LMAN1L: variants seen among roughly 807,000 people sequenced by gnomAD.
LMAN1L encodes protein ERGIC-53-like.
In LMAN1L, 60 loss-of-function variants were observed where a neutral mutation model predicts 58.3. The ratio of observed to expected loss-of-function variants is 1.03; its 90% CI spans 0.84 to 1.27. The LOEUF is 1.27. LMAN1L is among the 50% of genes most tolerant of loss of function. LMAN1L has a pLI of 0.00. For missense variants in LMAN1L, 629 were observed against 674.0 expected (o/e 0.93, Z 0.74); for synonymous variants, 280 against 271.6 (o/e 1.03, Z -0.31).
chr15:74,824,054 C>T (rs766490870), intron 12 of LMAN1L: 7 of 506,462 alleles, frequency 1.4e-5, no homozygotes, highest in Non-Finnish European at 2.5e-5. Flanking sequence ...TTCCCTCGCC[C>T]TCACCCTGCT....
intron 6 of LMAN1L, chr15:74,819,776 C>T (rs766800077): frequency 1.8e-6 from 1 of 564,470 alleles, no homozygotes. Flanking sequence ...GGTCTGCTGC[C>T]ATGGCTCTAG....
intron 10 of LMAN1L, 82 bp downstream of exon 10, chr15:74,821,982 G>A (rs963967805): frequency 1.8e-5 from 16 of 893,542 alleles, no homozygotes; most frequent in Non-Finnish European, 2.7e-5. Context: ...AGAGAGGACT[G>A]GGCTGGGCCT....
intron 9 of LMAN1L, 66 bp from the exon 10 acceptor site, chr15:74,821,763 G>A: frequency 1.9e-6 from 2 of 1,058,462 alleles, no homozygotes; most frequent in Non-Finnish European, 2.9e-6. Flanking sequence ...AGGCTGGGCT[G>A]CTAGTGTGGG....
chr15:74,819,342 AAAGAG>A, intron 6 of LMAN1L, 70 bp downstream of exon 6: 1 of 1,566,282 alleles, frequency 6.4e-7, no homozygotes, highest in Non-Finnish European at 8.7e-7. Context: ...CACACCTTCT[AAAGAG>A]CACTGGGGTG....
intron 1 of LMAN1L, 108 bp downstream of exon 1, chr15:74,813,137 G>A (rs2063873311): frequency 7.8e-7 from 1 of 1,279,896 alleles, no homozygotes; most frequent in Non-Finnish European, 1.1e-6. Flanking sequence ...TGTCCAGGGT[G>A]GGGCAAGGCC....
At chr15:74,824,637 C>A in intron 13 of LMAN1L, 159 bp downstream of exon 13, 1 of 818,512 alleles carries the variant, frequency 1.2e-6, no homozygotes, top group Non-Finnish European at 1.9e-6. Context: ...CATTCTCTCA[C>A]CAAGCACTAC....
intron 6 of LMAN1L, 50 bp from the exon 7 acceptor site, chr15:74,819,994 G>C: frequency 6.5e-7 from 1 of 1,544,542 alleles, no homozygotes; most frequent in African/African-American, 1.4e-5. Context: ...CTGAGCGAGG[G>C]GGTTGCTGGG....
At chr15:74,813,609 T>A in intron 1 of LMAN1L, 4 of 376,256 alleles carry the variant, frequency 1.1e-5, no homozygotes, top group Non-Finnish European at 1.6e-5. Context: ...TTCTACCAGA[T>A]CTTGTTCAAA....
At chr15:74,819,118 C>G (rs369338825) in intron 5 of LMAN1L, 34 bp from the exon 6 acceptor site, 46 of 1,573,592 alleles carry the variant, frequency 2.9e-5, no homozygotes, top group Non-Finnish European at 3.8e-5. Flanking sequence ...GGTAGGGACA[C>G]CCCCCCACTG....
In LMAN1L at chr15:74,816,138, G is replaced by A; in HGVS notation, c.176-19G>A. 2.6e-6 allele frequency: 4 copies of A among 1,542,910 alleles called. No individual in the cohort carries two copies. The highest frequency in any genetic ancestry group is 3.5e-6 in the Non-Finnish European group (4 of 1,144,678). Reference sequence around the variant, plus strand: ...TGGGGTGTAGTGGAGCCTGGGGCTTGAGCTGCCCTTGTCCACAGACGCCAT... The same window carrying A: ...TGGGGTGTAGTGGAGCCTGGGGCTTAAGCTGCCCTTGTCCACAGACGCCAT... On this transcript the variant is annotated intron_variant, in intron 1 of 13. Transcript: ENST00000309664.
intron 4 of LMAN1L, among the ~76,000 whole-genome samples, chr15:74,818,076 T>C (rs943052031): frequency 6.7e-6 from 1 of 148,618 alleles, no homozygotes; most frequent in Non-Finnish European, 1.5e-5. Flanking sequence ...ACGAGGGTGA[T>C]AGGTGGGTCG....
At chr15:74,818,868 T>TAACTG (rs746920291) in intron 5 of LMAN1L, 51 bp downstream of exon 5, 1 of 1,490,718 alleles carries the variant, frequency 6.7e-7, no homozygotes, top group South Asian at 1.2e-5. Context: ...AGAGCTGCTA[T>TAACTG]GTGTGCGTGC....
At chr15:74,817,931 T>A (rs2063899025) in intron 4 of LMAN1L, among the ~76,000 whole-genome samples, 1 of 150,284 alleles carries the variant, frequency 6.7e-6, no homozygotes, top group Non-Finnish European at 1.5e-5. Context: ...GAGAACCGCT[T>A]GAACCCAGGA....
intron 10 of LMAN1L, among the ~76,000 whole-genome samples, chr15:74,822,112 A>G (rs898660658): frequency 7.2e-6 from 1 of 138,546 alleles, no homozygotes; most frequent in African/African-American, 3.5e-5. Context: ...CACGAGGTCA[A>G]AAGACTGACA....
At position 74,825,745 on chromosome 15, in the gene LMAN1L, T is replaced by C. The variant is rs1290213561; in HGVS notation, c.*140T>C. ...CATGCTCCCACCTCGTTAAAGGTGA[T>C]TTCCCTCTCCCCATGCTGTGATATG... is the stretch of plus-strand genomic sequence containing the variant. On this transcript the variant is annotated 3_prime_UTR_variant, in exon 14 of 14. Coordinates refer to ENST00000309664, the MANE Select transcript of LMAN1L (RefSeq NM_021819.3). 1 of 767,280 alleles carries C rather than the reference T, an allele frequency of 1.3e-6. No individual in the cohort carries two copies. Among genetic ancestry groups the C allele is most frequent in the African/African-American group, 1.7e-5 (1 of 57,834 alleles). 47.5% of individuals were successfully genotyped at this position (767,280 alleles called of 1,614,324 possible). A position where few individuals can be genotyped will look rare whatever the true frequency, so the allele number is the denominator to read the frequency against.
At chr15:74,824,523 T>C (rs1252780211) in intron 13 of LMAN1L, 45 bp downstream of exon 13, 3 of 1,610,420 alleles carry the variant, frequency 1.9e-6, no homozygotes, top group African/African-American at 1.3e-5. Context: ...CTGGCATCTC[T>C]TGGTTCTCAG....
chr15:74,824,323 G>A, intron 12 of LMAN1L, 28 bp from the exon 13 acceptor site: 2 of 1,611,160 alleles, frequency 1.2e-6, no homozygotes, highest in Non-Finnish European at 1.7e-6. Context: ...AAGAAGCTAA[G>A]CTAGGACCTT....
chr15:74,821,330 G>C, intron 9 of LMAN1L, 104 bp downstream of exon 9: 1 of 1,346,762 alleles, frequency 7.4e-7, no homozygotes, highest in Non-Finnish European at 1.0e-6. Context: ...GGGAAAGGAA[G>C]GCAGGGATGA....
In LMAN1L at chr15:74,823,666, A is replaced by C; in HGVS notation, c.1307A>C (p.Glu436Ala). The C allele has an allele frequency of 6.2e-7, 1 of 1,613,404 alleles. No homozygotes were observed. Among genetic ancestry groups the C allele is most frequent in the South Asian group, 1.1e-5 (1 of 91,062 alleles). Residue 436 changes from glutamate (E) to alanine (A), a missense_variant, in exon 12 of 14, where the codon GAG becomes GCG. Transcript: ENST00000309664. The stretch of plus-strand genomic sequence containing the variant: ...CACATCCTGGGCCTCCTGCAGGAGG[A>C]GCTTCGGGGCCCGGCGGTGAGGGGA... ...LDHILGLLQE[E>A]LRGPAKAAAK...
Sources: gnomAD v4.1 joint callset for allele counts (sites outside exome capture counted in the v4.1 genomes callset) on GRCh38, gnomAD v4.1.1 for gene constraint, MANE v1.5 for transcripts, NCBI Gene and HGNC (gene_info 2026-07-23, HGNC 2026-07-21) for gene names.